ZNF385D: variants seen among roughly 807,000 people sequenced by gnomAD.
ZNF385D encodes the protein zinc finger protein 385D.
A neutral mutation model predicts 35.8 loss-of-function variants in ZNF385D; 15 were observed. The ratio of observed to expected loss-of-function variants is 0.42; its 90% CI spans 0.28 to 0.64. The LOEUF (loss-of-function observed/expected upper bound fraction) is 0.64, where lower values mean the gene tolerates loss of function less well. Among genes scored for constraint, ZNF385D ranks in the 30% least tolerant of loss-of-function variants. The pLI, the probability that ZNF385D is intolerant of heterozygous loss-of-function variation, is 0.23. For missense variants in ZNF385D, 474 were observed against 494.6 expected (o/e 0.96, Z 0.39); for synonymous variants, 212 against 186.8 (o/e 1.13, Z -1.10).
intron 3 of ZNF385D, among the ~76,000 whole-genome samples, chr3:21,962,162 G>A (rs1479963): frequency 0.68 from 103,724 of 151,644 alleles, 36,618 homozygotes; most frequent in Non-Finnish European, 0.77. Context: ...GACAGAAAAT[G>A]TTTAAGAGGA....
At chr3:21,576,866 A>G (rs2063510750) in intron 2 of ZNF385D, among the ~76,000 whole-genome samples, 1 of 152,168 alleles carries the variant, frequency 6.6e-6, no homozygotes, top group African/African-American at 2.4e-5. Flanking sequence ...ACAATAGAAC[A>G]TTATTATTTT....
intron 3 of ZNF385D, among the ~76,000 whole-genome samples, chr3:21,917,872 G>C (rs141201933): frequency 1.3e-5 from 2 of 152,246 alleles, no homozygotes; most frequent in South Asian, 2.1e-4. Flanking sequence ...TAACACTCTA[G>C]TCAGTCATTA....
intron 2 of ZNF385D, among the ~76,000 whole-genome samples, chr3:22,207,864 C>A (rs184548409): frequency 5.7e-4 from 87 of 151,902 alleles, no homozygotes; most frequent in African/African-American, 1.9e-3. Context: ...AAATGCAGAT[C>A]CCAGCTACAA....
At chr3:21,582,806 C>G (rs539118577) in intron 2 of ZNF385D, among the ~76,000 whole-genome samples, 2 of 152,030 alleles carry the variant, frequency 1.3e-5, no homozygotes, top group South Asian at 4.1e-4. Flanking sequence ...GAGATGGAGT[C>G]TCGCTCTATG....
chr3:22,162,182 A>G (rs964139826), intron 3 of ZNF385D, among the ~76,000 whole-genome samples: 5 of 152,166 alleles, frequency 3.3e-5, no homozygotes, highest in Admixed American at 6.6e-5. Flanking sequence ...CATTTGCACA[A>G]TAAAACACAT....
intron 3 of ZNF385D, among the ~76,000 whole-genome samples, chr3:21,968,843 A>G (rs1703067538): frequency 6.6e-6 from 1 of 152,212 alleles, no homozygotes; most frequent in South Asian, 2.1e-4. Context: ...GAAAGGAGAA[A>G]AAAAGTAAAG....
At chr3:21,554,607 C>T (rs970665452) in intron 3 of ZNF385D, among the ~76,000 whole-genome samples, 1 of 152,178 alleles carries the variant, frequency 6.6e-6, no homozygotes, top group Non-Finnish European at 1.5e-5. Context: ...ACTTCTCTCT[C>T]TAGCTAGGTA....
At chr3:22,020,934 C>T (rs1048444891) in intron 3 of ZNF385D, among the ~76,000 whole-genome samples, 7 of 151,866 alleles carry the variant, frequency 4.6e-5, no homozygotes, top group Non-Finnish European at 1.0e-4. Flanking sequence ...CAAGGGAATA[C>T]TATTAATCCA....
intron 2 of ZNF385D, among the ~76,000 whole-genome samples, chr3:22,297,417 TTC>T (rs1702648271): frequency 6.6e-6 from 1 of 152,110 alleles, no homozygotes; most frequent in South Asian, 2.1e-4. Flanking sequence ...AATTCCAGGA[TTC>T]CTCATACCTG....
intron 2 of ZNF385D, among the ~76,000 whole-genome samples, chr3:22,181,398 T>A (rs994759290): frequency 3.3e-5 from 5 of 151,976 alleles, no homozygotes; most frequent in Non-Finnish European, 7.4e-5. Context: ...CTTCTACCAA[T>A]AGAATATGGT....
chr3:21,679,896 T>C (rs943170757), intron 1 of ZNF385D, among the ~76,000 whole-genome samples: 2 of 152,118 alleles, frequency 1.3e-5, no homozygotes, highest in Non-Finnish European at 2.9e-5. Context: ...TGGTAACCCA[T>C]AGAAGTATAT....
chr3:21,456,131 G>C (rs1230525697), intron 4 of ZNF385D, among the ~76,000 whole-genome samples: 2 of 152,302 alleles, frequency 1.3e-5, no homozygotes, highest in African/African-American at 4.8e-5. Context: ...CTTTTACACT[G>C]TTGGTGGGAC....
intron 3 of ZNF385D, among the ~76,000 whole-genome samples, chr3:22,098,454 G>A (rs1414272388): frequency 6.6e-6 from 1 of 152,006 alleles, no homozygotes; most frequent in Non-Finnish European, 1.5e-5. Context: ...TCAATTCATT[G>A]GAAGAAAACA....
chr3:22,069,079 G>C (rs138921420), intron 3 of ZNF385D, among the ~76,000 whole-genome samples: 10 of 152,160 alleles, frequency 6.6e-5, no homozygotes, highest in African/African-American at 2.4e-4. Flanking sequence ...ACTAGTAAAA[G>C]GATATAAAGA....
chr3:21,606,303 C>T (rs1575306093), intron 2 of ZNF385D, among the ~76,000 whole-genome samples: 3 of 152,302 alleles, frequency 2.0e-5, no homozygotes, highest in South Asian at 4.1e-4. Context: ...GGTGCCTTGA[C>T]ATGACATATT....
chr3:21,564,701 G>A lies in ZNF385D; in HGVS notation c.166-17C>T, dbSNP rs747693369. 3.4e-6 allele frequency: 5 copies of A among 1,452,822 alleles called. No individual in the cohort carries two copies. The East Asian group carries it at 1.2e-4, about 35-fold the overall frequency. The allele number at this position is 1,452,822 out of a possible 1,614,324, so 90.0% of individuals were successfully genotyped here. On this transcript the variant is annotated splice_polypyrimidine_tract_variant and intron_variant, in intron 2 of 7. Coordinates refer to ENST00000281523, the MANE Select transcript of ZNF385D (RefSeq NM_024697.3). ...CGGGTCCATCTGTAATGAGAAAAAAGAAATACAACAAATAGAAATAAAGCT... is the reference window on the plus strand; with the variant it reads ...CGGGTCCATCTGTAATGAGAAAAAAAAAATACAACAAATAGAAATAAAGCT...
chr3:21,648,299 A>T (rs949901266), intron 2 of ZNF385D, among the ~76,000 whole-genome samples: 4 of 152,162 alleles, frequency 2.6e-5, no homozygotes, highest in African/African-American at 9.7e-5. Flanking sequence ...CATGTGAAGA[A>T]GATCTTTGCT....
intron 3 of ZNF385D, among the ~76,000 whole-genome samples, chr3:21,984,754 G>C (rs1403104017): frequency 8.4e-6 from 1 of 119,710 alleles, no homozygotes; most frequent in Admixed American, 8.1e-5. Context: ...AATTACCTTG[G>C]GCAGTATGGC....
At chr3:21,581,763 C>CT (rs1399204930) in intron 2 of ZNF385D, among the ~76,000 whole-genome samples, 2 of 152,092 alleles carry the variant, frequency 1.3e-5, no homozygotes, top group Admixed American at 1.3e-4. Context: ...AATAATCTAG[C>CT]TTTTAAAATG....
Sources: allele counts gnomAD v4.1 joint callset (sites outside exome capture counted in the v4.1 genomes callset), GRCh38; gene constraint gnomAD v4.1.1; transcripts MANE v1.5; gene names NCBI Gene and HGNC (gene_info 2026-07-23, HGNC 2026-07-21).